Variants in MDH1 observed in about 807,000 individuals in gnomAD.
MDH1 encodes malate dehydrogenase, cytoplasmic.
In MDH1, 15 loss-of-function variants were observed where a neutral mutation model predicts 38.7. That is an observed-to-expected ratio of 0.39 (90% CI 0.26 to 0.60). The LOEUF is 0.60. Ranked by LOEUF, MDH1 falls within the 20% of genes least tolerant of loss-of-function variation. MDH1 has a pLI of 0.56. For missense variants in MDH1, 368 were observed against 405.2 expected (o/e 0.91, Z 0.79); for synonymous variants, 144 against 143.6 (o/e 1.00, Z -0.02).
At chr2:63,593,449 A>G (rs1163339898) in intron 1 of MDH1, 1 of 413,734 alleles carries the variant, frequency 2.4e-6, no homozygotes, top group African/African-American at 2.1e-5. Flanking sequence ...GTGAGTACCA[A>G]ATTGCTGAGT....
At chr2:63,595,137 C>T in intron 2 of MDH1, 1 of 442,804 alleles carries the variant, frequency 2.3e-6, no homozygotes, top group South Asian at 2.1e-5. Context: ...ACAATAAGAG[C>T]AAGCTATAGC....
intron 1 of MDH1, among the ~76,000 whole-genome samples, chr2:63,591,354 G>C (rs573636292): frequency 6.6e-6 from 1 of 152,244 alleles, no homozygotes; most frequent in South Asian, 2.1e-4. Flanking sequence ...CAAACACTAA[G>C]CCTCATACTA....
intron 5 of MDH1, among the ~76,000 whole-genome samples, chr2:63,602,347 G>GTTTTTTTTTTTTTT (rs144884000): frequency 1.9e-5 from 2 of 104,004 alleles, no homozygotes; most frequent in African/African-American, 3.7e-5. Flanking sequence ...GTTGGTTGGG[G>GTTTTTTTTTTTTTT]TTTTTTTTTT....
At chr2:63,594,630 T>C in intron 2 of MDH1, 44 bp downstream of exon 2, 2 of 1,334,252 alleles carry the variant, frequency 1.5e-6, no homozygotes, top group Non-Finnish European at 2.1e-6. Flanking sequence ...AGAGTAAGAA[T>C]ATGGTTAATA....
chr2:63,606,891 C>T lies in MDH1; in HGVS notation c.909C>T (p.Leu303=), dbSNP rs758316774. 1.2e-6 allele frequency: 2 copies of T among 1,611,616 alleles called. No individual in the cohort carries two copies. The highest frequency in any genetic ancestry group is 1.7e-5 in the Admixed American group (1 of 59,910). The change falls in exon 9 of 9, where the codon CTC becomes CTT. Residue 303 remains leucine, a synonymous_variant. Coordinates refer to ENST00000233114, the MANE Select transcript of MDH1 (RefSeq NM_005917.4). The stretch of plus-strand genomic sequence containing the variant: ...AGACCTGGAAGTTTGTTGAAGGTCT[C>T]CCTATTAATGATTTCTCACGTGAGA... The part of the protein sequence containing the change: ...KNKTWKFVEG[L]PINDFSREKM...
At chr2:63,592,149 G>C (rs1231644801) in intron 1 of MDH1, among the ~76,000 whole-genome samples, 2 of 152,082 alleles carry the variant, frequency 1.3e-5, no homozygotes, top group African/African-American at 4.8e-5. Flanking sequence ...ATAGTACCAA[G>C]TACATGATAG....
At chr2:63,595,125 TAAC>T (rs1709280465) in intron 2 of MDH1, 1 of 418,676 alleles carries the variant, frequency 2.4e-6, no homozygotes, top group African/African-American at 2.0e-5. Context: ...ATACAGCTAT[TAAC>T]AATAAGAGCA....
chr2:63,597,464 TC>T lies in MDH1; in HGVS notation c.267del (p.Met90CysfsTer13). On this transcript the variant is annotated frameshift_variant, in exon 4 of 9. Coordinates refer to ENST00000233114, the MANE Select transcript of MDH1 (RefSeq NM_005917.4). LOFTEE classifies it high-confidence loss of function. Reference sequence around the variant, plus strand: ...CCTGGATGTGGCCATTCTTGTGGGCTCCATGCCAAGAAGGGAAGGCATGGAG... The same window carrying T: ...CCTGGATGTGGCCATTCTTGTGGGCTCATGCCAAGAAGGGAAGGCATGGAG... ...KDLDVAILVG[S>X]MPRREGMERK... 6.6e-7 allele frequency: 1 copy of T among 1,511,126 alleles called. No individual in the cohort carries two copies. The highest frequency in any genetic ancestry group is 8.9e-7 in the Non-Finnish European group (1 of 1,122,938). 93.6% of individuals were successfully genotyped at this position (1,511,126 alleles called of 1,614,324 possible).
intron 5 of MDH1, 75 bp downstream of exon 5, chr2:63,599,367 A>G: frequency 2.0e-6 from 3 of 1,468,124 alleles, no homozygotes; most frequent in South Asian, 1.3e-5. Flanking sequence ...AAATAACTGA[A>G]TCTGAGTTTG....
At chr2:63,606,514 G>C (rs960238328) in intron 8 of MDH1, among the ~76,000 whole-genome samples, 1 of 152,164 alleles carries the variant, frequency 6.6e-6, no homozygotes. Flanking sequence ...AATCTGGAAA[G>C]GAAGATTCAG....
chr2:63,598,538 C>CA (rs1369562277), intron 4 of MDH1, among the ~76,000 whole-genome samples: 10 of 151,954 alleles, frequency 6.6e-5, no homozygotes, highest in Non-Finnish European at 1.5e-4. Context: ...TCCTATCTTT[C>CA]AAAAAAAGGT....
intron 2 of MDH1, chr2:63,595,133 A>C (rs1174808306): frequency 4.1e-5 from 18 of 436,014 alleles, no homozygotes; most frequent in Non-Finnish European, 8.5e-6. Flanking sequence ...ATTAACAATA[A>C]GAGCAAGCTA....
intron 5 of MDH1, among the ~76,000 whole-genome samples, chr2:63,602,727 C>G (rs1409474623): frequency 6.6e-6 from 1 of 152,108 alleles, no homozygotes; most frequent in Non-Finnish European, 1.5e-5. Flanking sequence ...TTTTTCTGCA[C>G]TCCACCTCTA....
chr2:63,606,885 A>C lies in MDH1; in HGVS notation c.903A>C (p.Glu301Asp), dbSNP rs752663465. The change falls in exon 9 of 9, where the codon GAA becomes GAC. Residue 301 changes from glutamate (E) to aspartate (D), a missense_variant. Physicochemically the swap from Glu to Asp is conservative, Grantham distance 45 (BLOSUM62 2). Coordinates refer to ENST00000233114, the MANE Select transcript of MDH1 (RefSeq NM_005917.4). ...AGAATAAGACCTGGAAGTTTGTTGA[A>C]GGTCTCCCTATTAATGATTTCTCAC... ...VIKNKTWKFVEGLPINDFSRE... is the reference protein window; with the variant it reads ...VIKNKTWKFVDGLPINDFSRE... 1.2e-6 allele frequency: 2 copies of C among 1,611,236 alleles called. No homozygotes were observed. The highest frequency in any genetic ancestry group is 1.7e-6 in the Non-Finnish European group (2 of 1,178,330).
At chr2:63,599,115 G>T in intron 4 of MDH1, 55 bp from the exon 5 acceptor site, 1 of 1,549,016 alleles carries the variant, frequency 6.5e-7, no homozygotes, top group African/African-American at 1.4e-5. Context: ...TTTTAACATA[G>T]ATTAGTTAGT....
intron 3 of MDH1, 192 bp from the exon 4 acceptor site, chr2:63,597,207 A>G (rs1176465048): frequency 1.2e-6 from 1 of 868,860 alleles, no homozygotes; most frequent in East Asian, 1.2e-4. Flanking sequence ...AGCAAAATAA[A>G]TCTATTGACA....
Position 63,597,523 on chromosome 2 carries a change from C to A in MDH1, c.324C>A (p.Ile108=). 6.6e-7 allele frequency: 1 copy of A among 1,504,002 alleles called. No individual in the cohort carries two copies. Among genetic ancestry groups the A allele is most frequent in the Non-Finnish European group, 8.9e-7 (1 of 1,117,608 alleles). The allele number at this position is 1,504,002 out of a possible 1,614,324, so 93.2% of individuals were successfully genotyped here. The stretch of plus-strand genomic sequence containing the variant: ...ATTTACTGAAAGCAAATGTGAAAAT[C>A]TTCAAATCCCAGGGTGCAGCCTTAG... ...RKDLLKANVK[I]FKSQGAALDK... is the part of the protein sequence containing the mutation. The change falls in exon 4 of 9, where the codon ATC becomes ATA. Residue 108 remains isoleucine, a synonymous_variant. Coordinates refer to ENST00000233114, the MANE Select transcript of MDH1 (RefSeq NM_005917.4).
intron 2 of MDH1, chr2:63,595,105 G>A: frequency 2.6e-6 from 1 of 380,448 alleles, no homozygotes; most frequent in Admixed American, 4.2e-5. Flanking sequence ...TCCATGAACT[G>A]AAATCAAATA....
At chr2:63,596,689 T>G (rs763870768) in intron 3 of MDH1, among the ~76,000 whole-genome samples, 10 of 152,226 alleles carry the variant, frequency 6.6e-5, no homozygotes, top group Non-Finnish European at 1.5e-4. Flanking sequence ...TAGCCAATTT[T>G]CCAGTGAAAA....
Sources: gnomAD v4.1 joint callset for allele counts (sites outside exome capture counted in the v4.1 genomes callset) on GRCh38, gnomAD v4.1.1 for gene constraint, MANE v1.5 for transcripts, NCBI Gene and HGNC (gene_info 2026-07-23, HGNC 2026-07-21) for gene names.